GRIP1: variants seen among roughly 807,000 people sequenced by gnomAD.
The protein encoded by GRIP1 is glutamate receptor-interacting protein 1.
GRIP1 carries 45 observed loss-of-function variants against 129.9 expected under a neutral mutation model. The ratio of observed to expected loss-of-function variants is 0.35; its 90% CI spans 0.27 to 0.44. The LOEUF (loss-of-function observed/expected upper bound fraction) is 0.44, where lower values mean the gene tolerates loss of function less well. GRIP1 is among the 20% of genes least tolerant of loss of function. The probability of loss-of-function intolerance (pLI) is 1.00; values close to 1 mark genes in which losing one functional copy is unlikely to be tolerated. For synonymous variants in GRIP1, 530 were observed against 520.8 expected (o/e 1.02, Z -0.24); for missense variants, 1,196 against 1,396.8 (o/e 0.86, Z 2.29).
chr12:66,408,899 C>T (rs978259055), intron 15 of GRIP1, among the ~76,000 whole-genome samples: 1 of 152,130 alleles, frequency 6.6e-6, no homozygotes, highest in African/African-American at 2.4e-5. Context: ...GCAGTACTTG[C>T]CATGGGCCTG....
At chr12:66,637,552 TCTC>T (rs201580778) in intron 1 of GRIP1, among the ~76,000 whole-genome samples, 3,289 of 148,152 alleles carry the variant, frequency 0.022, 119 homozygotes, top group African/African-American at 0.078. Flanking sequence ...ATTTTATATC[TCTC>T]CTCTTGTTAT....
At chr12:66,889,963 T>A (rs1310724994) in intron 1 of GRIP1, among the ~76,000 whole-genome samples, 1 of 152,032 alleles carries the variant, frequency 6.6e-6, no homozygotes, top group African/African-American at 2.4e-5. Context: ...AGGGTCTCAC[T>A]TTGTCACCCA....
chr12:66,410,569 G>A (rs1228509448), intron 15 of GRIP1, among the ~76,000 whole-genome samples: 2 of 151,972 alleles, frequency 1.3e-5, no homozygotes, highest in East Asian at 3.9e-4. Context: ...CTTGAACCCA[G>A]GAGGCAGAGG....
At chr12:66,694,663 T>C (rs1300670685) in intron 1 of GRIP1, among the ~76,000 whole-genome samples, 2 of 152,218 alleles carry the variant, frequency 1.3e-5, no homozygotes, top group Non-Finnish European at 1.5e-5. Flanking sequence ...AATACTATTA[T>C]TGATATTGCT....
chr12:66,860,136 TTATCTATAGCAGGGGCTA>T (rs1033242716), intron 1 of GRIP1, among the ~76,000 whole-genome samples: 3 of 152,118 alleles, frequency 2.0e-5, no homozygotes, highest in Non-Finnish European at 2.9e-5. Context: ...CTTTCCTTTG[TTATCTATAGCAGGGGCTA>T]TAAGGATAGA....
chr12:67,068,752 A>G (rs1055115472), intron 1 of GRIP1, among the ~76,000 whole-genome samples: 3 of 127,222 alleles, frequency 2.4e-5, no homozygotes, highest in Non-Finnish European at 4.7e-5. Context: ...CGGGCCCTGC[A>G]GAAGCTGGAG....
intron 1 of GRIP1, among the ~76,000 whole-genome samples, chr12:66,964,881 T>A (rs2137547440): frequency 6.6e-6 from 1 of 152,278 alleles, no homozygotes; most frequent in South Asian, 2.1e-4. Flanking sequence ...ATGAATGCCT[T>A]CTCAATATGT....
upstream of GRIP1, chr12:66,679,131 C>T (rs1439796211): frequency 1.4e-6 from 2 of 1,442,498 alleles, no homozygotes; most frequent in Non-Finnish European, 1.8e-6. Context: ...CAGCCTCCTC[C>T]CCCTTCACAA....
chr12:66,948,767 C>T (rs1240759187), intron 1 of GRIP1, among the ~76,000 whole-genome samples: 1 of 152,100 alleles, frequency 6.6e-6, no homozygotes, highest in Non-Finnish European at 1.5e-5. Context: ...AAAGGAAAGA[C>T]CCCTATAGAG....
intron 1 of GRIP1, among the ~76,000 whole-genome samples, chr12:66,936,426 CAA>C (rs35370978): frequency 0.28 from 24,157 of 87,740 alleles, 2,295 homozygotes; most frequent in Non-Finnish European, 0.34. Context: ...ACCCTGTCTC[CAA>C]AAAAAAAAAA....
chr12:66,590,819 A>C (rs1424230242), intron 2 of GRIP1, among the ~76,000 whole-genome samples: 1 of 152,174 alleles, frequency 6.6e-6, no homozygotes, highest in Non-Finnish European at 1.5e-5. Context: ...TGGAAATGTC[A>C]TGTTGGGTGG....
At chr12:66,792,997 G>A (rs1051630097) in intron 1 of GRIP1, among the ~76,000 whole-genome samples, 10 of 151,986 alleles carry the variant, frequency 6.6e-5, no homozygotes, top group Admixed American at 6.6e-5. Context: ...CTTTATTCAT[G>A]GAAGAGGAGA....
rs1169140094 is a variant in GRIP1, at chr12:66,546,885, T to TA, written c.137-4936dup. On this transcript the variant is annotated intron_variant, in intron 2 of 24. Coordinates refer to ENST00000359742, the MANE Select transcript of GRIP1 (RefSeq NM_001366722.1). The stretch of plus-strand genomic sequence containing the variant: ...CTAGACTTGACATAAGCATGATCCA[T>TA]AAAAGGAAAAAAAAATCAGCAAATT... Among the ~76,000 whole-genome samples the TA allele has an allele frequency of 2.6e-5, 4 of 151,074 alleles. No homozygotes were observed. In the South Asian group the frequency reaches 6.2e-4, roughly 24 times the overall value.
chr12:67,065,635 T>G lies in GRIP1; in HGVS notation c.58+3415A>C, dbSNP rs150015922. Reference sequence around the variant, plus strand: ...CAAAAAGTATGTTTGCAGAAACAGATAATCTTTCCAAGCATTATGGTTGAT... The same window carrying G: ...CAAAAAGTATGTTTGCAGAAACAGAGAATCTTTCCAAGCATTATGGTTGAT... On this transcript the variant is annotated intron_variant, in intron 1 of 1. Coordinates refer to the GRIP1 transcript ENST00000643019. Among the ~76,000 whole-genome samples, 941 of 152,328 alleles carry G rather than the reference T, an allele frequency of 6.2e-3. 11 individuals carry two copies. The highest frequency in any genetic ancestry group is 0.021 in the African/African-American group (853 of 41,570).
At chr12:66,703,728 A>C (rs1283670564) in intron 1 of GRIP1, among the ~76,000 whole-genome samples, 2 of 152,154 alleles carry the variant, frequency 1.3e-5, no homozygotes, top group Non-Finnish European at 2.9e-5. Context: ...AGCCAAAACA[A>C]CACCACAGAT....
At chr12:66,690,536 C>A (rs1242355116) in intron 1 of GRIP1, among the ~76,000 whole-genome samples, 1 of 151,376 alleles carries the variant, frequency 6.6e-6, no homozygotes, top group East Asian at 2.0e-4. Flanking sequence ...TGGATATATA[C>A]CCGCAAGTGG....
intron 4 of GRIP1, among the ~76,000 whole-genome samples, chr12:66,537,122 T>C (rs1165768375): frequency 6.6e-6 from 1 of 152,196 alleles, no homozygotes; most frequent in African/African-American, 2.4e-5. Context: ...TGCCTTTTTA[T>C]TGAAAACTTT....
At chr12:66,777,609 G>A (rs1164300846) in intron 1 of GRIP1, among the ~76,000 whole-genome samples, 5 of 152,088 alleles carry the variant, frequency 3.3e-5, no homozygotes, top group African/African-American at 1.2e-4. Flanking sequence ...TCTGTTTACT[G>A]ATGTAACCAA....
intron 2 of GRIP1, among the ~76,000 whole-genome samples, chr12:66,577,134 C>T (rs2063164909): frequency 6.6e-6 from 1 of 152,058 alleles, no homozygotes; most frequent in Non-Finnish European, 1.5e-5. Context: ...GAGGAAGGAA[C>T]ATATTTTATC....
Sources: gnomAD v4.1 joint callset for allele counts (sites outside exome capture counted in the v4.1 genomes callset) on GRCh38, gnomAD v4.1.1 for gene constraint, MANE v1.5 for transcripts, NCBI Gene and HGNC (gene_info 2026-07-23, HGNC 2026-07-21) for gene names.